The following TUT4 variants were observed in gnomAD, a reference collection of about 807,000 sequenced individuals.
TUT4 encodes the protein terminal uridylyltransferase 4.
Under a neutral mutation model 192.2 loss-of-function variants are expected in TUT4, and 36 were observed. The ratio of observed to expected loss-of-function variants is 0.19; its 90% CI spans 0.14 to 0.25. TUT4 has a LOEUF of 0.25. Ranked by LOEUF, TUT4 falls within the 10% of genes least tolerant of loss-of-function variation. The pLI is 1.00. For missense variants in TUT4, 1,493 were observed against 1,957.2 expected (o/e 0.76, Z 4.47); for synonymous variants, 618 against 666.0 (o/e 0.93, Z 1.11).
At chr1:52,489,641 T>C (rs1335443173) in intron 8 of TUT4, among the ~76,000 whole-genome samples, 2 of 152,132 alleles carry the variant, frequency 1.3e-5, no homozygotes, top group African/African-American at 2.4e-5. Context: ...GAAGATATTT[T>C]GAAAGCAGGG....
intron 20 of TUT4, among the ~76,000 whole-genome samples, chr1:52,447,820 T>C (rs767855944): frequency 8.5e-5 from 13 of 152,344 alleles, no homozygotes; most frequent in Middle Eastern, 3.4e-3. Flanking sequence ...GGAAAGACTA[T>C]ATAAATTAGT....
At chr1:52,534,927 G>GT (rs1178102240) in intron 1 of TUT4, 1 of 152,130 alleles carries the variant, frequency 6.6e-6, no homozygotes, top group Non-Finnish European at 1.5e-5. Flanking sequence ...ATGATTTCTA[G>GT]TTTCTGGGAC....
At chr1:52,463,868 C>A in intron 16 of TUT4, 1 of 1,066,824 alleles carries the variant, frequency 9.4e-7, no homozygotes, top group South Asian at 1.4e-5. Context: ...CACGGTGGAA[C>A]TCAGAAAGCT....
chr1:52,537,592 A>C (rs1448038773), intron 1 of TUT4, among the ~76,000 whole-genome samples: 3 of 152,146 alleles, frequency 2.0e-5, no homozygotes, highest in Admixed American at 6.5e-5. Context: ...ATCAAAAAGG[A>C]AACAGAGGAT....
intron 1 of TUT4, among the ~76,000 whole-genome samples, chr1:52,536,290 T>G (rs1389025443): frequency 2.6e-5 from 4 of 152,234 alleles, no homozygotes; most frequent in Non-Finnish European, 5.9e-5. Context: ...CTATTTAAAC[T>G]AAGCTGGCAT....
rs367792493 is a variant in TUT4, at chr1:52,529,568, C to T, written c.-93-3195G>A. On this transcript the variant is annotated intron_variant, in intron 1 of 29. Transcript: ENST00000257177. ...AATTTTTAATGCTAGTCTGCTATAA[C>T]GATTCTTTAATAATTTTGTAGATGT... Among the ~76,000 whole-genome samples, 19 of 151,966 alleles carry T rather than the reference C, an allele frequency of 1.3e-4. No individual in the cohort carries two copies. The East Asian group carries it at 3.1e-3, about 25-fold the overall frequency.
chr1:52,488,563 A>G (rs1467772305), intron 9 of TUT4, among the ~76,000 whole-genome samples: 1 of 152,228 alleles, frequency 6.6e-6, no homozygotes, highest in East Asian at 1.9e-4. Context: ...AAAGAATCTT[A>G]ATGTATATAC....
At chr1:52,449,941 T>A (rs1388195290) in intron 20 of TUT4, among the ~76,000 whole-genome samples, 3 of 152,194 alleles carry the variant, frequency 2.0e-5, no homozygotes, top group Non-Finnish European at 4.4e-5. Context: ...ATTCATTAAG[T>A]TGCAAATTTT....
intron 1 of TUT4, among the ~76,000 whole-genome samples, chr1:52,535,527 G>T (rs1408942011): frequency 6.6e-6 from 1 of 151,938 alleles, no homozygotes; most frequent in Non-Finnish European, 1.5e-5. Context: ...TGTTCCCTGG[G>T]CAATACTGTT....
At position 52,518,499 on chromosome 1, in the gene TUT4, C is replaced by G. The variant is rs138294126; in HGVS notation, c.719-2445G>C. Among the ~76,000 whole-genome samples, 6 of 152,226 alleles carry G rather than the reference C, an allele frequency of 3.9e-5. No homozygotes were observed. The East Asian group carries it at 1.2e-3, about 29-fold the overall frequency. ...CCTTTTTTATAAGGCCAGATTAGGA[C>G]CTCACCATTATGACCTCATTTAACC... is the stretch of plus-strand genomic sequence containing the variant. On this transcript the variant is annotated intron_variant, in intron 2 of 29. Transcript: ENST00000257177.
intron 12 of TUT4, among the ~76,000 whole-genome samples, chr1:52,477,272 A>C (rs1667345851): frequency 6.6e-6 from 1 of 152,190 alleles, no homozygotes; most frequent in Non-Finnish European, 1.5e-5. Context: ...TTGACAAAGA[A>C]TCTAAATAAA....
chr1:52,458,139 C>G (rs1437980438), intron 20 of TUT4, among the ~76,000 whole-genome samples, 197 bp downstream of exon 20: 1 of 152,124 alleles, frequency 6.6e-6, no homozygotes, highest in Non-Finnish European at 1.5e-5. Context: ...ATCTAATATT[C>G]TTTTGGTAGT....
chr1:52,541,559 A>T (rs956379044), intron 1 of TUT4, among the ~76,000 whole-genome samples: 3 of 152,014 alleles, frequency 2.0e-5, no homozygotes, highest in Non-Finnish European at 4.4e-5. Flanking sequence ...AAACTCCTAC[A>T]TCATATCACA....
intron 19 of TUT4, 107 bp downstream of exon 19, chr1:52,461,027 A>G: frequency 2.4e-6 from 2 of 848,904 alleles, no homozygotes; most frequent in Non-Finnish European, 3.5e-6. Flanking sequence ...CTTTTTTAAA[A>G]GCTCAGATAA....
chr1:52,491,820 A>G (rs1671237699), intron 7 of TUT4, among the ~76,000 whole-genome samples: 1 of 152,236 alleles, frequency 6.6e-6, no homozygotes, highest in South Asian at 2.1e-4. Flanking sequence ...GAAGACCTAT[A>G]TGTCAGAAAC....
intron 20 of TUT4, among the ~76,000 whole-genome samples, chr1:52,457,675 C>T (rs985031820): frequency 5.9e-5 from 9 of 152,192 alleles, no homozygotes; most frequent in Admixed American, 1.3e-4. Context: ...TCCTCCCTAA[C>T]GCCTACAAAT....
rs376816716 is a variant in TUT4, at chr1:52,535,915, G to A, written c.-93-9542C>T. On this transcript the variant is annotated intron_variant, in intron 1 of 29. Coordinates refer to ENST00000257177, the MANE Select transcript of TUT4 (RefSeq NM_001009881.3). ...TAAGAATTCTCTAGCCAGTAAAACC[G>A]CCTTTCAAGAATGAAGGAGAAATTA... 5.9e-5 allele frequency among the ~76,000 whole-genome samples: 9 copies of A among 152,290 alleles called. No individual in the cohort carries two copies. In the East Asian group the frequency reaches 7.7e-4, roughly 13 times the overall value.
intron 4 of TUT4, among the ~76,000 whole-genome samples, chr1:52,502,144 CA>C (rs71656358): frequency 0.1 from 12,903 of 129,080 alleles, 675 homozygotes; most frequent in East Asian, 0.21. Context: ...AAAAAAATTT[CA>C]AAAAAAAAAA....
intron 13 of TUT4, 84 bp downstream of exon 13, chr1:52,474,748 A>G (rs1666665186): frequency 8.3e-7 from 1 of 1,204,046 alleles, no homozygotes; most frequent in Non-Finnish European, 1.1e-6. Flanking sequence ...TTATATAGCT[A>G]TTTTTACATT....
Sources: allele counts gnomAD v4.1 joint callset (sites outside exome capture counted in the v4.1 genomes callset), GRCh38; gene constraint gnomAD v4.1.1; transcripts MANE v1.5; gene names NCBI Gene and HGNC (gene_info 2026-07-23, HGNC 2026-07-21).